CSMD1: variants seen among roughly 807,000 people sequenced by gnomAD.
CSMD1 encodes the protein CUB and Sushi multiple domains 1, also known as CUB and sushi domain-containing protein 1.
In CSMD1, 213 loss-of-function variants were observed where a neutral mutation model predicts 417.5. The observed-to-expected ratio is 0.51, with a 90% CI of 0.46 to 0.57. CSMD1 has a LOEUF of 0.57. Ranked by LOEUF, CSMD1 falls within the 20% of genes least tolerant of loss-of-function variation. CSMD1 has a pLI of 0.00. For missense variants in CSMD1, 6,923 were observed against 4,529.7 expected, an observed-to-expected ratio of 1.53 and a Z score of -15.17; for synonymous variants, 2,862 against 1,736.8, an observed-to-expected ratio of 1.65 and a Z score of -16.11.
intron 8 of CSMD1, among the ~76,000 whole-genome samples, chr8:3,589,388 GT>G (rs1313989052): frequency 2.6e-5 from 4 of 151,744 alleles, no homozygotes; most frequent in African/African-American, 9.7e-5. Context: ...TGGTGTGTGT[GT>G]GTGTGTGTGT....
intron 26 of CSMD1, among the ~76,000 whole-genome samples, chr8:3,254,387 C>A (rs900426531): frequency 2.6e-5 from 4 of 152,106 alleles, no homozygotes; most frequent in Non-Finnish European, 4.4e-5. Context: ...ATATTTGTGG[C>A]ATTCTCTGTA....
At chr8:4,647,991 A>G (rs1180031289) in intron 1 of CSMD1, among the ~76,000 whole-genome samples, 6 of 152,218 alleles carry the variant, frequency 3.9e-5, no homozygotes, top group South Asian at 2.1e-4. Context: ...GAACTGCCAC[A>G]CTGTCTTCCT....
In CSMD1 at chr8:3,930,336, C is replaced by T. The variant is rs370714655; in HGVS notation, c.818+67567G>A. ...TGTGCTAACACTCTTAAATATCTGC[C>T]AGCCATAATAAAGAAATCAATGTAT... On this transcript the variant is annotated intron_variant, in intron 5 of 69. Transcript: ENST00000635120. 4.0e-4 allele frequency among the ~76,000 whole-genome samples: 60 copies of T among 150,532 alleles called. 3 individuals are homozygous for T. The highest frequency in any genetic ancestry group is 7.8e-4 in the East Asian group (4 of 5,142).
At chr8:3,676,928 A>C (rs1294626455) in intron 7 of CSMD1, among the ~76,000 whole-genome samples, 1 of 152,054 alleles carries the variant, frequency 6.6e-6, no homozygotes, top group Non-Finnish European at 1.5e-5. Context: ...CCACATGTTC[A>C]CACTCATAAG....
intron 27 of CSMD1, among the ~76,000 whole-genome samples, 183 bp from the exon 28 acceptor site, chr8:3,224,050 A>G (rs768822235): frequency 3.3e-5 from 5 of 152,176 alleles, no homozygotes; most frequent in Non-Finnish European, 5.9e-5. Flanking sequence ...AACTCTGTAC[A>G]TTTTTCATGT....
Position 4,585,882 on chromosome 8 carries a change from A to T in CSMD1, c.302+51460T>A, listed in dbSNP as rs189513799. ...GAAAGCATGCAGGTAAAGATGGAAT[A>T]AACAGCAATACAAAATGTAAGCTGA... is the stretch of plus-strand genomic sequence containing the variant. On this transcript the variant is annotated intron_variant, in intron 2 of 69. Coordinates refer to ENST00000635120, the MANE Select transcript of CSMD1 (RefSeq NM_033225.6). 4.0e-3 allele frequency among the ~76,000 whole-genome samples: 602 copies of T among 152,358 alleles called. 3 individuals are homozygous for T. Among genetic ancestry groups the T allele is most frequent in the Middle Eastern group, 6.8e-3 (2 of 294 alleles).
At position 4,457,175 on chromosome 8, in the gene CSMD1, G is replaced by C. The variant is rs537786588; in HGVS notation, c.303-37110C>G. On this transcript the variant is annotated intron_variant, in intron 2 of 69. Transcript: ENST00000635120. ...CCATGATTTGGGTTTTACGGACCTA[G>C]ATGTGAAATGTGTCCTGTTAAACAC... Among the ~76,000 whole-genome samples the C allele has an allele frequency of 1.3e-3, 195 of 152,174 alleles. 3 individuals are homozygous for C. The South Asian group carries it at 0.04, about 31-fold the overall frequency.
At chr8:4,739,919 A>G (rs1240011507) in intron 1 of CSMD1, among the ~76,000 whole-genome samples, 1 of 152,080 alleles carries the variant, frequency 6.6e-6, no homozygotes, top group African/African-American at 2.4e-5. Context: ...TCCCTTCTTC[A>G]GTTGCTCTCT....
intron 2 of CSMD1, among the ~76,000 whole-genome samples, chr8:4,503,197 A>T (rs993951919): frequency 1.3e-5 from 2 of 152,152 alleles, no homozygotes; most frequent in Non-Finnish European, 2.9e-5. Flanking sequence ...AAGCCAGGTA[A>T]TTCCTCTTGT....
intron 30 of CSMD1, among the ~76,000 whole-genome samples, chr8:3,211,672 G>A (rs1797616132): frequency 6.6e-6 from 1 of 152,218 alleles, no homozygotes; most frequent in African/African-American, 2.4e-5. Flanking sequence ...ACAGACGGGA[G>A]GAGGTGAGGC....
chr8:4,685,489 C>T (rs555739685), intron 1 of CSMD1, among the ~76,000 whole-genome samples: 11 of 152,110 alleles, frequency 7.2e-5, no homozygotes, highest in African/African-American at 2.4e-4. Flanking sequence ...GCAGGAGAAT[C>T]GCTTAGAACT....
intron 5 of CSMD1, among the ~76,000 whole-genome samples, chr8:3,837,745 G>A (rs1802802969): frequency 6.6e-6 from 1 of 151,950 alleles, no homozygotes; most frequent in Non-Finnish European, 1.5e-5. Flanking sequence ...AATCCTCCTG[G>A]CTCCTCCCAG....
intron 5 of CSMD1, among the ~76,000 whole-genome samples, chr8:3,916,629 A>C (rs1413319648): frequency 6.6e-6 from 1 of 152,164 alleles, no homozygotes; most frequent in Non-Finnish European, 1.5e-5. Context: ...AATGTACTTA[A>C]CATATAGGTA....
intron 69 of CSMD1, 74 bp from the exon 70 acceptor site, chr8:2,938,818 G>C (rs1302019901): frequency 1.5e-6 from 2 of 1,360,254 alleles, no homozygotes; most frequent in Middle Eastern, 1.8e-4. Context: ...CTGTGTGCAG[G>C]AGACAACGTC....
chr8:3,445,708 A>C (rs1815261193), intron 12 of CSMD1, among the ~76,000 whole-genome samples: 1 of 152,208 alleles, frequency 6.6e-6, no homozygotes, highest in Non-Finnish European at 1.5e-5. Context: ...CCATGTAGCA[A>C]ATGAGGAGTT....
intron 5 of CSMD1, among the ~76,000 whole-genome samples, chr8:3,990,732 G>T (rs1359159053): frequency 6.6e-6 from 1 of 152,132 alleles, no homozygotes; most frequent in Non-Finnish European, 1.5e-5. Flanking sequence ...GACAGTCGAT[G>T]GCTTCTCAGA....
intron 2 of CSMD1, among the ~76,000 whole-genome samples, chr8:4,604,236 C>G (rs1054435257): frequency 1.3e-5 from 2 of 151,914 alleles, no homozygotes; most frequent in African/African-American, 4.8e-5. Context: ...CTTTGATTGA[C>G]TACTACCTTT....
chr8:4,651,106 C>T (rs191480094), intron 1 of CSMD1, among the ~76,000 whole-genome samples: 72 of 151,844 alleles, frequency 4.7e-4, no homozygotes, highest in African/African-American at 1.5e-3. Context: ...TGATGCCAAG[C>T]GAATGGCAGC....
intron 3 of CSMD1, among the ~76,000 whole-genome samples, chr8:4,316,737 A>C (rs1798959252): frequency 6.6e-6 from 1 of 152,098 alleles, no homozygotes; most frequent in African/African-American, 2.4e-5. Flanking sequence ...ACGATAGTTA[A>C]ATAAGAAAGT....
Sources: gnomAD v4.1 joint callset for allele counts (sites outside exome capture counted in the v4.1 genomes callset) on GRCh38, gnomAD v4.1.1 for gene constraint, MANE v1.5 for transcripts, NCBI Gene and HGNC (gene_info 2026-07-23, HGNC 2026-07-21) for gene names.